The following DPY19L4 variants were observed in gnomAD, a reference collection of about 807,000 sequenced individuals.
The protein encoded by DPY19L4 is probable C-mannosyltransferase DPY19L4.
DPY19L4 carries 97 observed loss-of-function variants against 102.8 expected under a neutral mutation model. The ratio of observed to expected loss-of-function variants is 0.94; its 90% CI spans 0.80 to 1.12. The LOEUF (loss-of-function observed/expected upper bound fraction) is 1.12. Ranked by LOEUF, DPY19L4 falls within the 50% of genes most tolerant of loss-of-function variation. DPY19L4 has a pLI of 0.00. For missense variants in DPY19L4, 815 were observed against 850.4 expected (o/e 0.96, Z 0.52); for synonymous variants, 252 against 283.1 (o/e 0.89, Z 1.10).
intron 13 of DPY19L4, among the ~76,000 whole-genome samples, chr8:94,771,380 T>A (rs1812929365): frequency 6.6e-6 from 1 of 152,250 alleles, no homozygotes; most frequent in Non-Finnish European, 1.5e-5. Context: ...GTTAAAAAAC[T>A]ATTGAACATA....
intron 13 of DPY19L4, among the ~76,000 whole-genome samples, chr8:94,773,630 AT>A (rs1813031699): frequency 6.6e-6 from 1 of 151,852 alleles, no homozygotes; most frequent in African/African-American, 2.4e-5. Flanking sequence ...GGGTTTCTTC[AT>A]GTTGGTCAGG....
chr8:94,740,849 T>TA (rs1485966372), intron 6 of DPY19L4, among the ~76,000 whole-genome samples: 1 of 152,140 alleles, frequency 6.6e-6, no homozygotes, highest in Non-Finnish European at 1.5e-5. Flanking sequence ...CAGACCTTAT[T>TA]ACAGTTTCCC....
intron 8 of DPY19L4, among the ~76,000 whole-genome samples, chr8:94,763,467 A>T (rs1191260737): frequency 6.6e-6 from 1 of 150,512 alleles, no homozygotes; most frequent in Non-Finnish European, 1.5e-5. Flanking sequence ...CAGCCTCCTG[A>T]GTAGCTGAGA....
In DPY19L4 at chr8:94,778,654, T is replaced by G. The variant is rs556539261; in HGVS notation, c.1575+868T>G. Among the ~76,000 whole-genome samples, 5 of 151,716 alleles carry G rather than the reference T, an allele frequency of 3.3e-5. No homozygotes were observed. The South Asian group carries it at 8.3e-4, about 25-fold the overall frequency. The stretch of plus-strand genomic sequence containing the variant: ...AACATAGGGAAGGGCTACTCAATTC[T>G]GTTTTTCTTTTTCTTTCTTTTTTTT... On this transcript the variant is annotated intron_variant, in intron 14 of 18. Transcript: ENST00000414645.
chr8:94,789,042 A>C (rs1235980720), intron 18 of DPY19L4, among the ~76,000 whole-genome samples: 5 of 152,150 alleles, frequency 3.3e-5, no homozygotes, highest in Non-Finnish European at 7.4e-5. Context: ...GGTGACACAA[A>C]TGGAATTTTA....
Position 94,720,032 on chromosome 8 carries a change from C to T in DPY19L4, c.16+18C>T. On this transcript the variant is annotated intron_variant, in intron 1 of 18. Transcript: ENST00000414645. ...GGAAGAAGGTGATTGCCGCGGGGTC[C>T]AGCGCGCCAACGGCTGCCAGTGGTC... The T allele has an allele frequency of 6.6e-7, 1 of 1,526,626 alleles. No individual in the cohort carries two copies. The highest frequency in any genetic ancestry group is 8.8e-7 in the Non-Finnish European group (1 of 1,137,890). 94.6% of individuals were successfully genotyped at this position (1,526,626 alleles called of 1,614,324 possible). A position where few individuals can be genotyped will look rare whatever the true frequency, so the allele number is the denominator to read the frequency against.
intron 13 of DPY19L4, among the ~76,000 whole-genome samples, chr8:94,777,176 C>T (rs1381415317): frequency 1.3e-5 from 2 of 151,998 alleles, no homozygotes; most frequent in Non-Finnish European, 2.9e-5. Context: ...AGGTGATCCT[C>T]CTGCCTCAGC....
chr8:94,749,547 C>T (rs1318701319), intron 6 of DPY19L4, among the ~76,000 whole-genome samples: 2 of 152,046 alleles, frequency 1.3e-5, no homozygotes, highest in Non-Finnish European at 2.9e-5. Context: ...AAACTTAACT[C>T]GATTGGCGAA....
intron 18 of DPY19L4, among the ~76,000 whole-genome samples, chr8:94,788,641 A>G (rs11776128): frequency 0.26 from 29,731 of 115,466 alleles, 3,105 homozygotes; most frequent in Non-Finnish European, 0.29. Context: ...AGACTGACGC[A>G]CGCGCGCGCG....
At chr8:94,725,717 G>C (rs527558808) in intron 1 of DPY19L4, among the ~76,000 whole-genome samples, 2 of 152,180 alleles carry the variant, frequency 1.3e-5, no homozygotes, top group Admixed American at 1.3e-4. Context: ...CTCACTGCAA[G>C]CTCCGCCTTC....
Position 94,720,024 on chromosome 8 carries a change from G to T in DPY19L4, c.16+10G>T. The T allele has an allele frequency of 6.5e-7, 1 of 1,528,846 alleles. No homozygotes were observed. The highest frequency in any genetic ancestry group is 8.8e-7 in the Non-Finnish European group (1 of 1,139,006). The allele number at this position is 1,528,846 out of a possible 1,614,324, so 94.7% of individuals were successfully genotyped here. On this transcript the variant is annotated intron_variant, in intron 1 of 18. Transcript: ENST00000414645. The stretch of plus-strand genomic sequence containing the variant: ...ATGGCGGAGGAAGAAGGTGATTGCC[G>T]CGGGGTCCAGCGCGCCAACGGCTGC...
rs201635041 is a variant in DPY19L4 at position 94,781,135 on chromosome 8, C to G, written c.1684C>G (p.Pro562Ala). Residue 562 changes from proline to alanine, a missense_variant, in exon 16 of 19, where the codon CCA (proline) becomes GCA (alanine). Pro to Ala is a conservative substitution (Grantham distance 27, BLOSUM62 -1). Coordinates refer to ENST00000414645, the MANE Select transcript of DPY19L4 (RefSeq NM_181787.3). ...ELMELQEFYDPDTVELMTWIK... is the reference protein window; with the variant it reads ...ELMELQEFYDADTVELMTWIK... ...AATGGAACTACAGGAATTCTATGAC[C>G]CAGATACAGTGGAACTTATGACCTG... The G allele has an allele frequency of 6.3e-7, 1 of 1,597,698 alleles. No individual in the cohort carries two copies. The highest frequency in any genetic ancestry group is 2.3e-5 in the East Asian group (1 of 44,426).
chr8:94,730,910 T>G (rs1228130398), intron 2 of DPY19L4, among the ~76,000 whole-genome samples: 1 of 150,340 alleles, frequency 6.7e-6, no homozygotes, highest in East Asian at 2.0e-4. Flanking sequence ...CACACCCTGC[T>G]AATTTTGTAT....
chr8:94,789,892 G>A lies in DPY19L4; in HGVS notation c.2154G>A (p.Val718=). 1.3e-6 allele frequency: 2 copies of A among 1,596,076 alleles called. No individual in the cohort carries two copies. The highest frequency in any genetic ancestry group is 1.7e-6 in the Non-Finnish European group (2 of 1,174,896). Residue 718 remains valine (V), a synonymous_variant, in exon 19 of 19, where the codon GTG becomes GTA. Transcript: ENST00000414645. ...ACTTTGTATATAAAATCAACACTGT[G>A]ATATCCTTCCAGTCTTGAAAAATAA... The part of the protein sequence containing the change: ...RSYFVYKINT[V]ISFQS
intron 16 of DPY19L4, among the ~76,000 whole-genome samples, chr8:94,783,099 A>G (rs1047180085): frequency 2.7e-5 from 4 of 149,824 alleles, no homozygotes; most frequent in African/African-American, 1.0e-4. Flanking sequence ...TGAATGTATT[A>G]CAACAGCCCT....
chr8:94,739,743 A>G lies in DPY19L4; in HGVS notation c.564A>G (p.Gly188=), dbSNP rs769217312. ...TTGTTACAAGTTGGCTTATGAGTGG[A>G]ACATGGCTAGCAGGAATGCTTACTG... ...ALFVTSWLMS[G]TWLAGMLTVA... The change falls in exon 6 of 19, where the codon GGA becomes GGG. Residue 188 remains glycine (G), a synonymous_variant. Transcript: ENST00000414645. 7 of 1,612,954 alleles carry G rather than the reference A, an allele frequency of 4.3e-6. No individual in the cohort carries two copies. The Middle Eastern group carries it at 5.8e-4, about 134-fold the overall frequency.
At chr8:94,776,226 G>A (rs1051984947) in intron 13 of DPY19L4, among the ~76,000 whole-genome samples, 1 of 151,762 alleles carries the variant, frequency 6.6e-6, no homozygotes, top group African/African-American at 2.4e-5. Flanking sequence ...TAGAGACGGG[G>A]TTTCACCGTG....
chr8:94,783,667 C>T lies in DPY19L4; in HGVS notation c.1716-3C>T, dbSNP rs1237506286. On this transcript the variant is annotated splice_region_variant and splice_polypyrimidine_tract_variant and intron_variant, in intron 16 of 18. Coordinates refer to ENST00000414645, the MANE Select transcript of DPY19L4 (RefSeq NM_181787.3). ...GTGTGCAAATCTTTATGGTTCTTTG[C>T]AGAAGGCAAGCTCCAGTTGCAGCTG... 1 of 1,613,168 alleles carries T rather than the reference C, an allele frequency of 6.2e-7. No individual in the cohort carries two copies. Among genetic ancestry groups the T allele is most frequent in the Non-Finnish European group, 8.5e-7 (1 of 1,179,766 alleles).
intron 2 of DPY19L4, among the ~76,000 whole-genome samples, chr8:94,731,656 T>A (rs1370446642): frequency 6.6e-6 from 1 of 152,246 alleles, no homozygotes; most frequent in African/African-American, 2.4e-5. Context: ...CCTCAGGTGA[T>A]CCGCCCACCT....
Sources: gnomAD v4.1 joint callset for allele counts (sites outside exome capture counted in the v4.1 genomes callset) on GRCh38, gnomAD v4.1.1 for gene constraint, MANE v1.5 for transcripts, NCBI Gene and HGNC (gene_info 2026-07-23, HGNC 2026-07-21) for gene names.